The following ACE variants were observed in gnomAD, a reference collection of about 807,000 sequenced individuals.
ACE encodes the protein angiotensin-converting enzyme.
Under a neutral mutation model 162.3 loss-of-function variants are expected in ACE, and 122 were observed. The observed-to-expected ratio is 0.75, with a 90% CI of 0.65 to 0.87. ACE has a LOEUF of 0.87. ACE is among the 40% of genes least tolerant of loss of function. The probability of loss-of-function intolerance (pLI) is 0.00; values close to 1 mark genes in which losing one functional copy is unlikely to be tolerated. For synonymous variants in ACE, 796 were observed against 720.6 expected, an observed-to-expected ratio of 1.10 and a Z score of -1.68; for missense variants, 1,799 against 1,735.1, an observed-to-expected ratio of 1.04 and a Z score of -0.65.
chr17:63,484,603 AG>A lies in ACE; in HGVS notation c.1921+64del. 1 of 1,540,124 alleles carries A rather than the reference AG, an allele frequency of 6.5e-7. No individual in the cohort carries two copies. Among genetic ancestry groups the A allele is most frequent in the Middle Eastern group, 2.2e-4 (1 of 4,512 alleles). On this transcript the variant is annotated intron_variant, in intron 12 of 24. Coordinates refer to ENST00000290866, the MANE Select transcript of ACE (RefSeq NM_000789.4). The surrounding 1 kb of genome is among the most constrained non-coding windows in gnomAD (Gnocchi z 4.0). ...GGGTCCTCAACTCTGGGCTTGGCCC[AG>A]GCCCCAGGTTCCTGGTCAGCTCCTA...
In ACE at chr17:63,491,323, G is replaced by A. The variant is rs987787902; in HGVS notation, c.2854G>A (p.Gly952Arg). Residue 952 changes from glycine (G) to arginine (R), a missense_variant, in exon 19 of 25, where the codon GGG becomes AGG. By Grantham distance (125) the Gly-to-Arg change is moderately radical. Coordinates refer to ENST00000290866, the MANE Select transcript of ACE (RefSeq NM_000789.4). The surrounding 1 kb of genome is among the most constrained non-coding windows in gnomAD (Gnocchi z 4.4). ...NKSMLEKPTDGREVVCHASAW... is the reference protein window; with the variant it reads ...NKSMLEKPTDRREVVCHASAW... ...GTCGATGCTGGAGAAGCCAACCGAC[G>A]GGCGGGAGGTGGTCTGCCACGCCTC... The A allele has an allele frequency of 6.2e-6, 10 of 1,614,042 alleles. No individual in the cohort carries two copies. The highest frequency in any genetic ancestry group is 5.3e-5 in the African/African-American group (4 of 74,940).
At position 63,491,169 on chromosome 17, in the gene ACE, C is replaced by G. The variant is rs1376117599; in HGVS notation, c.2740-40C>G. ...CCCCACGGCAGCACGCAGTCTGTCC[C>G]CGGAACCCCCAGTTTGGGCAGAACT... On this transcript the variant is annotated intron_variant, in intron 18 of 24. Coordinates refer to ENST00000290866, the MANE Select transcript of ACE (RefSeq NM_000789.4). This position sits in a 1 kb window ranked among gnomAD's most constrained non-coding sequence, Gnocchi z 4.4. The G allele has an allele frequency of 6.2e-7, 1 of 1,613,092 alleles. No homozygotes were observed.
Position 63,484,385 on chromosome 17 carries a change from G to T in ACE, c.1765G>T (p.Val589Phe). ...CTGGCAGGAGGTGCTGAAGGACATGGTCGGCTTAGATGCCCTGGATGCCCA... is the reference window on the plus strand; with the variant it reads ...CTGGCAGGAGGTGCTGAAGGACATGTTCGGCTTAGATGCCCTGGATGCCCA... Reference protein sequence around the residue: ...RPWQEVLKDMVGLDALDAQPL... With the variant: ...RPWQEVLKDMFGLDALDAQPL... The change falls in exon 12 of 25, where the codon GTC (valine) becomes TTC (phenylalanine). Residue 589 changes from valine (V) to phenylalanine (F), a missense_variant. Coordinates refer to ENST00000290866, the MANE Select transcript of ACE (RefSeq NM_000789.4). This position sits in a 1 kb window ranked among gnomAD's most constrained non-coding sequence, Gnocchi z 4.0. 6.2e-7 allele frequency: 1 copy of T among 1,611,994 alleles called. No individual in the cohort carries two copies. The highest frequency in any genetic ancestry group is 8.5e-7 in the Non-Finnish European group (1 of 1,179,900).
Position 63,485,357 on chromosome 17 carries a change from G to A in ACE, c.2043G>A (p.Glu681=). The change falls in exon 13 of 25, where the codon GAG becomes GAA. Residue 681 remains glutamate (E), a synonymous_variant. Transcript: ENST00000290866. ...ACTACAACACCAACATCACCACAGAGACCAGCAAGATTCTGGTGGGAGCCA... is the reference window on the plus strand; with the variant it reads ...ACTACAACACCAACATCACCACAGAAACCAGCAAGATTCTGGTGGGAGCCA... The part of the protein sequence containing the change: ...NWNYNTNITT[E]TSKILLQKNM... 3 of 1,614,002 alleles carry A rather than the reference G, an allele frequency of 1.9e-6. No individual in the cohort carries two copies. The highest frequency in any genetic ancestry group is 2.5e-6 in the Non-Finnish European group (3 of 1,179,998).
chr17:63,492,409 C>G (rs374044617), intron 19 of ACE, among the ~76,000 whole-genome samples: 2 of 152,216 alleles, frequency 1.3e-5, no homozygotes, highest in Non-Finnish European at 2.9e-5. Context: ...GTGTCTCTTA[C>G]AAGGAGAACA....
At chr17:63,487,689 G>A (rs1287460263) in intron 15 of ACE, among the ~76,000 whole-genome samples, 1 of 151,886 alleles carries the variant, frequency 6.6e-6, no homozygotes, top group Admixed American at 6.6e-5. Flanking sequence ...GCTCACCCCC[G>A]ACACAAGGAC....
At chr17:63,490,758 A>G (rs2030316168) in intron 17 of ACE, 196 bp from the exon 18 acceptor site, 1 of 624,362 alleles carries the variant, frequency 1.6e-6, no homozygotes, top group African/African-American at 1.8e-5. Context: ...ACCTAGAGCC[A>G]GGCAGTAATG....
rs563695627 is a variant in ACE, at chr17:63,478,281, G to A, written c.417+183G>A. The A allele has an allele frequency of 1.5e-4, 114 of 762,968 alleles. 1 individual carries two copies. In the South Asian group the frequency reaches 2.0e-3, roughly 14 times the overall value. 47.3% of individuals were successfully genotyped at this position (762,968 alleles called of 1,614,324 possible). A position where few individuals can be genotyped will look rare whatever the true frequency, so the allele number is the denominator to read the frequency against. On this transcript the variant is annotated intron_variant, in intron 2 of 24. Coordinates refer to ENST00000290866, the MANE Select transcript of ACE (RefSeq NM_000789.4). ...ATTGATTTTTCTTGGAGATGGGGTGGGGAGTTACTTTCTGTTAAAGGAAGC... is the reference window on the plus strand; with the variant it reads ...ATTGATTTTTCTTGGAGATGGGGTGAGGAGTTACTTTCTGTTAAAGGAAGC...
Position 63,488,504 on chromosome 17 carries a change from C to T in ACE, c.2306-144C>T. Reference sequence around the variant, plus strand: ...TGCTGGAGAGCCACTCCCATCCTTTCTCCCATTTCTCTAGACCTGCTGCCT... The same window carrying T: ...TGCTGGAGAGCCACTCCCATCCTTTTTCCCATTTCTCTAGACCTGCTGCCT... On this transcript the variant is annotated intron_variant, in intron 15 of 24. Transcript: ENST00000290866. The T allele has an allele frequency of 2.6e-6, 2 of 767,868 alleles. 1 individual carries two copies. Among genetic ancestry groups the T allele is most frequent in the South Asian group, 3.3e-5 (2 of 61,064 alleles). The allele number at this position is 767,868 out of a possible 1,614,324, so 47.6% of individuals were successfully genotyped here.
rs1429588559 is a variant in ACE, at chr17:63,484,382, A to G, written c.1762A>G (p.Met588Val). 1.2e-6 allele frequency: 2 copies of G among 1,611,980 alleles called. No homozygotes were observed. The highest frequency in any genetic ancestry group is 4.5e-5 in the East Asian group (2 of 44,878). The change falls in exon 12 of 25, where the codon ATG becomes GTG. Residue 588 changes from methionine (M) to valine (V), a missense_variant. Coordinates refer to ENST00000290866, the MANE Select transcript of ACE (RefSeq NM_000789.4). The surrounding 1 kb of genome is among the most constrained non-coding windows in gnomAD (Gnocchi z 4.0). ...SRPWQEVLKD[M>V]VGLDALDAQP... ...GCCCTGGCAGGAGGTGCTGAAGGAC[A>G]TGGTCGGCTTAGATGCCCTGGATGC...
At chr17:63,483,341 T>G in intron 9 of ACE, 119 bp from the exon 10 acceptor site, 1 of 1,459,200 alleles carries the variant, frequency 6.9e-7, no homozygotes, top group Middle Eastern at 1.7e-4. Flanking sequence ...TTCCAGGAAG[T>G]CTTCCCCAGT....
In ACE at chr17:63,485,600, A is replaced by G. The variant is rs1026378987; in HGVS notation, c.2058+228A>G. 7 of 525,858 alleles carry G rather than the reference A, an allele frequency of 1.3e-5. No homozygotes were observed. The African/African-American group carries it at 1.3e-4, about 10-fold the overall frequency. The allele number at this position is 525,858 out of a possible 1,614,324, so 32.6% of individuals were successfully genotyped here. A position where few individuals can be genotyped will look rare whatever the true frequency, so the allele number is the denominator to read the frequency against. ...AGACCATCCTGGCTAACACGGTGAAACCCCATCTCTAGTAAAAATACAAAA... is the reference window on the plus strand; with the variant it reads ...AGACCATCCTGGCTAACACGGTGAAGCCCCATCTCTAGTAAAAATACAAAA... On this transcript the variant is annotated intron_variant, in intron 13 of 24. Transcript: ENST00000290866.
Position 63,484,837 on chromosome 17 carries a change from G to C in ACE, c.1921+296G>C. ...GCTCCGCTCTTATTGGCCAGGGGAC[G>C]GTAGCTGCAGGACTCTGCTCTCCTG... On this transcript the variant is annotated intron_variant, in intron 12 of 24. Transcript: ENST00000290866. The surrounding 1 kb of genome is among the most constrained non-coding windows in gnomAD (Gnocchi z 4.0). 1 of 1,545,470 alleles carries C rather than the reference G, an allele frequency of 6.5e-7. No individual in the cohort carries two copies. Among genetic ancestry groups the C allele is most frequent in the Non-Finnish European group, 8.7e-7 (1 of 1,144,396 alleles).
At position 63,487,056 on chromosome 17, in the gene ACE, G is replaced by A. The variant is rs370481039; in HGVS notation, c.2288G>A (p.Cys763Tyr). Residue 763 changes from cysteine (C) to tyrosine (Y), a missense_variant, in exon 15 of 25, where the codon TGC becomes TAC. Cys to Tyr is a radical substitution (Grantham distance 194, BLOSUM62 -2). Coordinates refer to ENST00000290866, the MANE Select transcript of ACE (RefSeq NM_000789.4). The stretch of plus-strand genomic sequence containing the variant: ...ACTGTGTGCCACCCGAATGGCAGCT[G>A]CCTGCAGCTCGAGCCAGGTGAGAGC... Reference protein sequence around the residue: ...VATVCHPNGSCLQLEPDLTNV... With the variant: ...VATVCHPNGSYLQLEPDLTNV... 2.5e-5 allele frequency: 41 copies of A among 1,613,412 alleles called. No homozygotes were observed. The Middle Eastern group carries it at 4.9e-4, about 19-fold the overall frequency.
intron 17 of ACE, among the ~76,000 whole-genome samples, chr17:63,489,685 G>C (rs1285776480): frequency 1.3e-5 from 2 of 152,196 alleles, no homozygotes; most frequent in Non-Finnish European, 2.9e-5. Flanking sequence ...GGACAGTAAG[G>C]GATGGTAGGG....
rs1451009396 is a variant in ACE, at chr17:63,491,558, C to T, written c.2912+177C>T. Among the ~76,000 whole-genome samples, 8 of 152,184 alleles carry T rather than the reference C, an allele frequency of 5.3e-5. No homozygotes were observed. The South Asian group carries it at 1.2e-3, about 24-fold the overall frequency. On this transcript the variant is annotated intron_variant, in intron 19 of 24. Coordinates refer to ENST00000290866, the MANE Select transcript of ACE (RefSeq NM_000789.4). The surrounding 1 kb of genome is among the most constrained non-coding windows in gnomAD (Gnocchi z 4.4). ...TGGCTTCTGGCAGGAAAACCCCATC[C>T]GCCTGATGGGGACTTCTGAAGCACG...
chr17:63,478,526 T>C (rs1599137564), intron 2 of ACE: 3 of 308,598 alleles, frequency 9.7e-6, no homozygotes, highest in Admixed American at 9.3e-5. Flanking sequence ...CTGGGCTTGG[T>C]GGTGCGTGCA....
Position 63,486,707 on chromosome 17 carries a change from C to G in ACE, c.2209C>G (p.Leu737Val). The change falls in exon 14 of 25, where the codon CTG (leucine) becomes GTG (valine). Residue 737 changes from leucine (L) to valine (V), a missense_variant. Leu to Val is a conservative substitution (Grantham distance 32). Coordinates refer to ENST00000290866, the MANE Select transcript of ACE (RefSeq NM_000789.4). ...LERAALPAQE[L>V]EEYNKILLDM... is the part of the protein sequence containing the mutation. ...ACGGGCAGCACTGCCTGCCCAGGAG[C>G]TGGAGGAGGTGTGTGGCTCGCAAGG... 1.2e-6 allele frequency: 2 copies of G among 1,614,186 alleles called. No individual in the cohort carries two copies. The highest frequency in any genetic ancestry group is 1.7e-6 in the Non-Finnish European group (2 of 1,180,022).
chr17:63,479,279 G>A (rs2049669170), intron 3 of ACE, among the ~76,000 whole-genome samples, 179 bp downstream of exon 3: 1 of 152,114 alleles, frequency 6.6e-6, no homozygotes, highest in African/African-American at 2.4e-5. Flanking sequence ...CTTGGCAAGT[G>A]GACTTCCGGA....
Sources: allele counts gnomAD v4.1 joint callset (sites outside exome capture counted in the v4.1 genomes callset), GRCh38; gene constraint gnomAD v4.1.1; non-coding constraint Gnocchi (gnomAD v3.1); transcripts MANE v1.5; gene names NCBI Gene and HGNC (gene_info 2026-07-23, HGNC 2026-07-21).